POLR1B: variants seen among roughly 807,000 people sequenced by gnomAD.
The protein encoded by POLR1B is DNA-directed RNA polymerase I subunit RPA2.
Under a neutral mutation model 105.8 loss-of-function variants are expected in POLR1B, and 30 were observed. The ratio of observed to expected loss-of-function variants is 0.28; its 90% CI spans 0.21 to 0.38. The LOEUF is 0.38. POLR1B is among the 10% of genes least tolerant of loss of function. The pLI, the probability that POLR1B is intolerant of heterozygous loss-of-function variation, is 1.00. For synonymous variants in POLR1B, 485 were observed against 505.1 expected (o/e 0.96, Z 0.53); for missense variants, 976 against 1,435.8 (o/e 0.68, Z 5.17).
intron 10 of POLR1B, among the ~76,000 whole-genome samples, chr2:112,567,695 T>G (rs901650940): frequency 6.6e-6 from 1 of 152,156 alleles, no homozygotes; most frequent in African/African-American, 2.4e-5. Context: ...GTTTTTGGTT[T>G]ATTAAATTTA....
intron 11 of POLR1B, 109 bp from the exon 12 acceptor site, chr2:112,568,637 G>A: frequency 6.4e-6 from 8 of 1,246,846 alleles, no homozygotes; most frequent in South Asian, 5.6e-5. Context: ...ATGATGCTGG[G>A]TGGGGATGGT....
rs1165416236 is a variant in POLR1B, at chr2:112,575,521, C to T, written c.3200C>T (p.Ala1067Val). Residue 1067 changes from alanine to valine, a missense_variant, in exon 15 of 15, where the codon GCC becomes GTC. Around this residue, in one of 12 missense-constraint regions of POLR1B, gnomAD observed 77 missense variants for 104.5 expected, o/e 0.74. Coordinates refer to ENST00000263331, the MANE Select transcript of POLR1B (RefSeq NM_019014.6). This position sits in a 1 kb window ranked among gnomAD's most constrained non-coding sequence, Gnocchi z 5.3. The part of the protein sequence containing the change: ...RLFNCSDRSV[A>V]HVCVKCGSLL... ...TTCAACTGCTCAGATCGGTCGGTAG[C>T]CCATGTGTGTGTGAAGTGTGGCAGT... 9 of 1,614,018 alleles carry T rather than the reference C, an allele frequency of 5.6e-6. No homozygotes were observed. The highest frequency in any genetic ancestry group is 7.6e-6 in the Non-Finnish European group (9 of 1,180,032).
intron 9 of POLR1B, among the ~76,000 whole-genome samples, chr2:112,562,726 T>C (rs561753825): frequency 0.029 from 4,107 of 139,470 alleles, 215 homozygotes; most frequent in African/African-American, 0.11. Flanking sequence ...TTTCTTTTTT[T>C]TCTTTTTTTT....
intron 14 of POLR1B, 69 bp from the exon 15 acceptor site, chr2:112,574,778 A>G: frequency 3.8e-6 from 5 of 1,304,040 alleles, no homozygotes; most frequent in Middle Eastern, 2.0e-4. Flanking sequence ...AGCACTAATT[A>G]TATCAATGAA....
Position 112,542,491 on chromosome 2 carries a change from C to T in POLR1B, c.-4C>T. ...AGACTGGCGTCCGGTGTGCAGGTGG[C>T]CACATGGATCCTGGCAGCCGGTGGC... On this transcript the variant is annotated 5_prime_UTR_variant, in exon 1 of 15. Coordinates refer to ENST00000263331, the MANE Select transcript of POLR1B (RefSeq NM_019014.6). 3.1e-6 allele frequency: 5 copies of T among 1,613,684 alleles called. No homozygotes were observed. The highest frequency in any genetic ancestry group is 3.4e-6 in the Non-Finnish European group (4 of 1,179,954).
chr2:112,562,395 C>T lies in POLR1B; in HGVS notation c.1613-1971C>T, dbSNP rs183779377. On this transcript the variant is annotated intron_variant, in intron 9 of 14. Transcript: ENST00000263331. ...CCTTGCTACTTCTTTCCTGTGTGTC[C>T]TTGCTGAAGCAATTTAAACTTCCAC... Among the ~76,000 whole-genome samples, 43 of 152,190 alleles carry T rather than the reference C, an allele frequency of 2.8e-4. No homozygotes were observed. The East Asian group carries it at 7.1e-3, about 25-fold the overall frequency.
Position 112,547,119 on chromosome 2 carries a change from G to A in POLR1B, c.285G>A (p.Glu95=), listed in dbSNP as rs1318430880. 10 of 1,614,216 alleles carry A rather than the reference G, an allele frequency of 6.2e-6. No individual in the cohort carries two copies. The highest frequency in any genetic ancestry group is 8.5e-6 in the Non-Finnish European group (10 of 1,180,040). The change falls in exon 2 of 15, where the codon GAG becomes GAA. Residue 95 remains glutamate (E), a synonymous_variant. Coordinates refer to ENST00000263331, the MANE Select transcript of POLR1B (RefSeq NM_019014.6). ...PTVPKGTICK[E]ANVYPAECRG... Reference sequence around the variant, plus strand: ...TTCCAAAAGGGACCATCTGCAAAGAGGCCAATGTTTATCCAGCAGAATGCC... The same window carrying A: ...TTCCAAAAGGGACCATCTGCAAAGAAGCCAATGTTTATCCAGCAGAATGCC...
intron 10 of POLR1B, among the ~76,000 whole-genome samples, chr2:112,567,756 C>G (rs1420032213): frequency 6.6e-6 from 1 of 152,116 alleles, no homozygotes; most frequent in African/African-American, 2.4e-5. Context: ...GACAGAATTT[C>G]CTTTAGTGTA....
chr2:112,572,833 G>T, intron 13 of POLR1B, 75 bp downstream of exon 13: 1 of 1,331,060 alleles, frequency 7.5e-7, no homozygotes, highest in Admixed American at 2.3e-5. Context: ...ATCACTGAAG[G>T]AATATTTTTG....
At chr2:112,546,279 C>T (rs1683036348) in intron 1 of POLR1B, among the ~76,000 whole-genome samples, 1 of 152,196 alleles carries the variant, frequency 6.6e-6, no homozygotes, top group Admixed American at 6.6e-5. Context: ...TGCCATTGTA[C>T]ATTAAGCATC....
chr2:112,543,934 T>G (rs1456299626), intron 1 of POLR1B, among the ~76,000 whole-genome samples: 1 of 150,316 alleles, frequency 6.7e-6, no homozygotes, highest in African/African-American at 2.5e-5. Flanking sequence ...AATTTAAAAA[T>G]TAGTGGGGCA....
At chr2:112,571,585 T>G (rs1684590569) in intron 12 of POLR1B, among the ~76,000 whole-genome samples, 1 of 152,214 alleles carries the variant, frequency 6.6e-6, no homozygotes, top group African/African-American at 2.4e-5. Flanking sequence ...TGCTGTGATC[T>G]GTCCCATGCA....
chr2:112,545,226 A>G (rs1459389481), intron 1 of POLR1B, among the ~76,000 whole-genome samples: 1 of 152,214 alleles, frequency 6.6e-6, no homozygotes, highest in African/African-American at 2.4e-5. Context: ...TGCATTTAAC[A>G]TAGGCTTTGT....
At chr2:112,567,449 G>A (rs547039652) in intron 10 of POLR1B, among the ~76,000 whole-genome samples, 3 of 151,880 alleles carry the variant, frequency 2.0e-5, no homozygotes, top group Non-Finnish European at 4.4e-5. Flanking sequence ...GCATGATCAT[G>A]GCTCACTGCA....
intron 1 of POLR1B, among the ~76,000 whole-genome samples, chr2:112,546,426 G>GCT (rs1218214124): frequency 6.6e-6 from 1 of 151,948 alleles, no homozygotes; most frequent in Non-Finnish European, 1.5e-5. Flanking sequence ...TCTGTTCACA[G>GCT]CTGTATCCCT....
intron 4 of POLR1B, among the ~76,000 whole-genome samples, chr2:112,550,114 C>G (rs1480004136): frequency 3.3e-5 from 5 of 151,866 alleles, no homozygotes; most frequent in Non-Finnish European, 5.9e-5. Context: ...CTGGTTCAGG[C>G]TGCTGCACTT....
At position 112,577,122 on chromosome 2, in the gene POLR1B, C is replaced by A. The variant is rs890635924; in HGVS notation, c.*1393C>A. On this transcript the variant is annotated 3_prime_UTR_variant, in exon 15 of 15. Transcript: ENST00000263331. ...ATAATAGATCATCTTGTATATACTT[C>A]TGCAATTATAAGATGTTTTTTGATG... The A allele has an allele frequency of 4.6e-5, 7 of 152,192 alleles. No homozygotes were observed. The highest frequency in any genetic ancestry group is 1.7e-4 in the African/African-American group (7 of 41,434). 9.4% of individuals were successfully genotyped at this position (152,192 alleles called of 1,614,324 possible). A position where few individuals can be genotyped will look rare whatever the true frequency, so the allele number is the denominator to read the frequency against.
chr2:112,564,679 G>A (rs1684186458), intron 10 of POLR1B, among the ~76,000 whole-genome samples, 180 bp downstream of exon 10: 2 of 152,216 alleles, frequency 1.3e-5, no homozygotes, highest in South Asian at 4.1e-4. Flanking sequence ...GGCCTCATTG[G>A]TTGGGGTCAG....
chr2:112,568,732 A>G lies in POLR1B; in HGVS notation c.1918-14A>G. On this transcript the variant is annotated splice_polypyrimidine_tract_variant and intron_variant, in intron 11 of 14. Coordinates refer to ENST00000263331, the MANE Select transcript of POLR1B (RefSeq NM_019014.6). Reference sequence around the variant, plus strand: ...GTTGCAGTTATTTTGTGCCTTGGACATCTGCTCTTCCAGATCTTCATGAAT... The same window carrying G: ...GTTGCAGTTATTTTGTGCCTTGGACGTCTGCTCTTCCAGATCTTCATGAAT... 1.2e-6 allele frequency: 2 copies of G among 1,613,302 alleles called. No homozygotes were observed. Among genetic ancestry groups the G allele is most frequent in the Non-Finnish European group, 1.7e-6 (2 of 1,179,676 alleles).
Sources: allele counts gnomAD v4.1 joint callset (sites outside exome capture counted in the v4.1 genomes callset), GRCh38; gene constraint gnomAD v4.1.1; regional missense constraint gnomAD v4.1.1; non-coding constraint Gnocchi (gnomAD v3.1); transcripts MANE v1.5; gene names NCBI Gene and HGNC (gene_info 2026-07-23, HGNC 2026-07-21).